SLC23A2: variants seen among roughly 807,000 people sequenced by gnomAD.
The protein encoded by SLC23A2 is solute carrier family 23 member 2.
Under a neutral mutation model 73.3 loss-of-function variants are expected in SLC23A2, and 36 were observed. The observed-to-expected ratio is 0.49, with a 90% CI of 0.38 to 0.65. The LOEUF is 0.65. Among genes scored for constraint, SLC23A2 ranks in the 30% least tolerant of loss-of-function variants. The pLI, the probability that SLC23A2 is intolerant of heterozygous loss-of-function variation, is 0.00. For missense variants in SLC23A2, 507 were observed against 841.6 expected, an observed-to-expected ratio of 0.60 and a Z score of 4.92; for synonymous variants, 343 against 327.3, an observed-to-expected ratio of 1.05 and a Z score of -0.52.
chr20:4,888,816 G>C (rs998619565), intron 6 of SLC23A2, among the ~76,000 whole-genome samples: 7 of 152,174 alleles, frequency 4.6e-5, no homozygotes, highest in Admixed American at 3.3e-4. Context: ...ATTTCTGCAA[G>C]TCACCTCCCA....
intron 1 of SLC23A2, among the ~76,000 whole-genome samples, chr20:4,981,971 G>C (rs987440972): frequency 2.6e-5 from 4 of 151,628 alleles, no homozygotes; most frequent in African/African-American, 9.7e-5. Flanking sequence ...AAAGTGCTGG[G>C]ATTACAGGCA....
At chr20:4,925,858 T>A (rs1932653877) in intron 3 of SLC23A2, among the ~76,000 whole-genome samples, 1 of 152,184 alleles carries the variant, frequency 6.6e-6, no homozygotes, top group South Asian at 2.1e-4. Flanking sequence ...CTGGGAACCT[T>A]CATCTGACCG....
intron 6 of SLC23A2, among the ~76,000 whole-genome samples, chr20:4,895,484 GC>G (rs1460346783): frequency 6.6e-6 from 1 of 152,148 alleles, no homozygotes; most frequent in Non-Finnish European, 1.5e-5. Context: ...ATTTTCATAT[GC>G]AAAAACTCCC....
At chr20:5,001,212 C>A (rs1462140951) in intron 1 of SLC23A2, among the ~76,000 whole-genome samples, 194 bp downstream of exon 1, 3 of 150,152 alleles carry the variant, frequency 2.0e-5, no homozygotes, top group Non-Finnish European at 4.4e-5. Context: ...GCCCCGGGGC[C>A]AGGGTGGCCG....
chr20:4,934,170 T>A (rs1012208578), intron 2 of SLC23A2, among the ~76,000 whole-genome samples: 1 of 152,210 alleles, frequency 6.6e-6, no homozygotes. Flanking sequence ...CATTTGCATT[T>A]TCATTCACGT....
In SLC23A2 at chr20:4,967,798, G is replaced by A. The variant is rs891812436; in HGVS notation, c.-155+2995C>T. 6.6e-5 allele frequency among the ~76,000 whole-genome samples: 10 copies of A among 152,160 alleles called. 1 individual carries two copies. Among genetic ancestry groups the A allele is most frequent in the Admixed American group, 2.6e-4 (4 of 15,274 alleles). ...AGCATCTGTGGTGGTTCTAGCAAAT[G>A]CTAAAATACCCTTCAACCAGAACCA... On this transcript the variant is annotated intron_variant, in intron 2 of 16. Transcript: ENST00000338244.
intron 2 of SLC23A2, among the ~76,000 whole-genome samples, chr20:4,942,177 T>C (rs1174580757): frequency 3.9e-5 from 6 of 152,148 alleles, no homozygotes; most frequent in African/African-American, 1.4e-4. Context: ...TTCAGTCCTT[T>C]CTGCTGTGAG....
At chr20:4,960,212 C>T (rs2087358933) in intron 2 of SLC23A2, among the ~76,000 whole-genome samples, 2 of 152,216 alleles carry the variant, frequency 1.3e-5, no homozygotes, top group South Asian at 4.1e-4. Flanking sequence ...ACACAATTAT[C>T]ATTTCACATT....
upstream of SLC23A2, chr20:5,001,625 A>AG (rs1234033061): frequency 1.2e-3 from 134 of 111,322 alleles, 1 homozygote; most frequent in African/African-American, 4.3e-3. Flanking sequence ...CCCCCCGGGG[A>AG]GGGGCTGCTC....
In SLC23A2 at chr20:4,872,369, C is replaced by T. The variant is rs140754313; in HGVS notation, c.1102+1567G>A. 4.9e-3 allele frequency among the ~76,000 whole-genome samples: 746 copies of T among 152,296 alleles called. 11 individuals carry two copies. The highest frequency in any genetic ancestry group is 0.017 in the African/African-American group (714 of 41,572). On this transcript the variant is annotated intron_variant, in intron 11 of 16. Transcript: ENST00000338244. This position sits in a 1 kb window ranked among gnomAD's most constrained non-coding sequence, Gnocchi z 4.4. ...CGGCAGGCCAGGAGCCCTACGTGCTCGCTCACGGCCAGCACAACCTCAGGC... is the reference window on the plus strand; with the variant it reads ...CGGCAGGCCAGGAGCCCTACGTGCTTGCTCACGGCCAGCACAACCTCAGGC...
At chr20:4,895,062 G>A (rs961014193) in intron 6 of SLC23A2, among the ~76,000 whole-genome samples, 2 of 152,226 alleles carry the variant, frequency 1.3e-5, no homozygotes, top group Non-Finnish European at 2.9e-5. Flanking sequence ...TACTCAGCAA[G>A]AGGCAGTCAA....
intron 6 of SLC23A2, among the ~76,000 whole-genome samples, chr20:4,889,075 G>A (rs1395721180): frequency 6.6e-6 from 1 of 152,178 alleles, no homozygotes; most frequent in Non-Finnish European, 1.5e-5. Context: ...TACGACGATG[G>A]AAAACACTTC....
chr20:4,983,936 A>G (rs965342928), intron 1 of SLC23A2, among the ~76,000 whole-genome samples: 2 of 151,996 alleles, frequency 1.3e-5, no homozygotes, highest in African/African-American at 4.8e-5. Flanking sequence ...AGCCTGGGCA[A>G]CAAGAGTAAA....
At chr20:4,969,998 G>A (rs1168712597) in intron 2 of SLC23A2, among the ~76,000 whole-genome samples, 1 of 152,100 alleles carries the variant, frequency 6.6e-6, no homozygotes, top group South Asian at 2.1e-4. Flanking sequence ...AAAAAAGAAT[G>A]CTCCTGAGTA....
Position 4,852,535 on chromosome 20 carries a change from A to G in SLC23A2, c.*4437T>C, listed in dbSNP as rs568776530. ...TGAAAATTCTTTTTAAAAACTCCAT[A>G]AAAGAATTACACATCTCAAAAAACA... On this transcript the variant is annotated 3_prime_UTR_variant, in exon 17 of 17. Coordinates refer to ENST00000338244, the MANE Select transcript of SLC23A2 (RefSeq NM_005116.6). The surrounding 1 kb of genome is among the most constrained non-coding windows in gnomAD (Gnocchi z 4.3). The G allele has an allele frequency of 6.5e-6, 1 of 152,762 alleles. No individual in the cohort carries two copies. Among genetic ancestry groups the G allele is most frequent in the South Asian group, 2.1e-4 (1 of 4,830 alleles). 9.5% of individuals were successfully genotyped at this position (152,762 alleles called of 1,614,324 possible). A position where few individuals can be genotyped will look rare whatever the true frequency, so the allele number is the denominator to read the frequency against.
intron 11 of SLC23A2, among the ~76,000 whole-genome samples, chr20:4,870,574 CT>C (rs1930406136): frequency 7.0e-6 from 1 of 143,174 alleles, no homozygotes; most frequent in Non-Finnish European, 1.5e-5. Flanking sequence ...GAGACTCCAT[CT>C]CAAAAAAAAA....
At position 4,921,382 on chromosome 20, in the gene SLC23A2, G is replaced by C. The variant is rs1431413833; in HGVS notation, c.109-8404C>G. Among the ~76,000 whole-genome samples the C allele has an allele frequency of 4.6e-5, 7 of 152,184 alleles. 1 individual carries two copies. In the South Asian group the frequency reaches 1.5e-3, roughly 32 times the overall value. ...CAATCACTTGAGCTCAGAAATTCGA[G>C]ACCAGCCTAGGCAACATGGCAAAAC... On this transcript the variant is annotated intron_variant, in intron 3 of 16. Transcript: ENST00000338244.
chr20:4,954,474 A>C (rs895477604), intron 2 of SLC23A2, among the ~76,000 whole-genome samples: 1 of 152,152 alleles, frequency 6.6e-6, no homozygotes, highest in Non-Finnish European at 1.5e-5. Flanking sequence ...AGGCAGGTGG[A>C]TCACCTGAGG....
intron 6 of SLC23A2, among the ~76,000 whole-genome samples, chr20:4,893,282 C>T (rs1931399054): frequency 6.6e-6 from 1 of 152,092 alleles, no homozygotes; most frequent in African/African-American, 2.4e-5. Flanking sequence ...CCAGGCTGGT[C>T]TCAAACTCCT....
Sources: gnomAD v4.1 joint callset for allele counts (sites outside exome capture counted in the v4.1 genomes callset) on GRCh38, gnomAD v4.1.1 for gene constraint, Gnocchi (gnomAD v3.1) non-coding constraint, MANE v1.5 for transcripts, NCBI Gene and HGNC (gene_info 2026-07-23, HGNC 2026-07-21) for gene names.